The following EIF3CL variants were observed in gnomAD, a reference collection of about 807,000 sequenced individuals.
EIF3CL encodes the protein eukaryotic translation initiation factor 3 subunit C like.
For missense variants in EIF3CL, 5 were observed against 56.1 expected (o/e 0.09, Z 2.91); for synonymous variants, 2 against 19.6 (o/e 0.10, Z 2.37).
chr16:28,421,549 C>T, the EIF3CL span, among the ~76,000 whole-genome samples: 1 of 20,058 alleles, frequency 5.0e-5, no homozygotes, highest in African/African-American at 1.5e-4. Context: ...TGGCCAGGTG[C>T]GGTGGCTCAC....
chr16:28,418,908 G>A, the EIF3CL span, among the ~76,000 whole-genome samples: 1 of 146,104 alleles, frequency 6.8e-6, no homozygotes, highest in Non-Finnish European at 1.5e-5. Context: ...AGGATTACAG[G>A]CCTGAGCCAC....
the EIF3CL span, among the ~76,000 whole-genome samples, chr16:28,416,717 C>T: frequency 1.3e-4 from 16 of 119,078 alleles, no homozygotes; most frequent in South Asian, 4.7e-4. Context: ...AAGTGAGGAG[C>T]GTCTCCGCCC....
chr16:28,382,129 G>T (rs2045579805), intron 16 of EIF3CL, among the ~76,000 whole-genome samples: 1 of 45,830 alleles, frequency 2.2e-5, no homozygotes, highest in African/African-American at 5.3e-5. Context: ...AGAATCACTT[G>T]AACCCAGGAG....
upstream of EIF3CL, among the ~76,000 whole-genome samples, chr16:28,408,096 T>C (rs1596600390): frequency 5.2e-5 from 1 of 19,248 alleles, no homozygotes; most frequent in Admixed American, 1.1e-3. Context: ...CCCAGCTACT[T>C]GGGAGGCTGA....
chr16:28,392,774 ATTT>A (rs1179590483), intron 8 of EIF3CL, among the ~76,000 whole-genome samples: 2 of 146,014 alleles, frequency 1.4e-5, no homozygotes, highest in Non-Finnish European at 3.0e-5. Flanking sequence ...ATATAAAAAC[ATTT>A]TTTTCTTTTT....
chr16:28,417,355 G>A, the EIF3CL span, among the ~76,000 whole-genome samples: 1 of 141,964 alleles, frequency 7.0e-6, no homozygotes, highest in South Asian at 2.1e-4. Flanking sequence ...GATGACAATG[G>A]CGGCTTTGTG....
At chr16:28,410,910 G>A in the EIF3CL span, among the ~76,000 whole-genome samples, 5 of 121,696 alleles carry the variant, frequency 4.1e-5, no homozygotes, top group Admixed American at 3.7e-4. Flanking sequence ...CAGTTTTGCC[G>A]GTTCTTGAGC....
At chr16:28,416,718 G>T in the EIF3CL span, among the ~76,000 whole-genome samples, 2 of 112,242 alleles carry the variant, frequency 1.8e-5, 1 homozygote, top group Non-Finnish European at 3.9e-5. Flanking sequence ...AGTGAGGAGC[G>T]TCTCCGCCCG....
the EIF3CL span, among the ~76,000 whole-genome samples, chr16:28,416,116 G>A: frequency 5.7e-5 from 1 of 17,656 alleles, no homozygotes; most frequent in African/African-American, 2.7e-4. Flanking sequence ...CCGAGGTGCC[G>A]GGATTGCAGA....
the EIF3CL span, among the ~76,000 whole-genome samples, chr16:28,423,120 AG>A: frequency 1.9e-5 from 2 of 102,934 alleles, 1 homozygote; most frequent in African/African-American, 6.8e-5. Flanking sequence ...TGAGAGGCAG[AG>A]GTTGCAGTGA....
the EIF3CL span, among the ~76,000 whole-genome samples, chr16:28,416,815 G>A: frequency 1.3e-5 from 1 of 79,690 alleles, no homozygotes; most frequent in Non-Finnish European, 2.7e-5. Context: ...GGGCGCCTCT[G>A]CCCGGCCGCC....
At chr16:28,386,846 C>T (rs1303463985) in intron 15 of EIF3CL, among the ~76,000 whole-genome samples, 1 of 43,196 alleles carries the variant, frequency 2.3e-5, no homozygotes, top group Non-Finnish European at 4.2e-5. Flanking sequence ...AAGATACACA[C>T]ACACCCCCTA....
the EIF3CL span, among the ~76,000 whole-genome samples, chr16:28,416,855 C>T: frequency 2.2e-4 from 18 of 81,346 alleles, no homozygotes; most frequent in East Asian, 8.6e-4. Flanking sequence ...CCCCTCTGCC[C>T]GGCCAGCCGC....
the EIF3CL span, among the ~76,000 whole-genome samples, chr16:28,415,826 C>A: frequency 1.0e-5 from 1 of 97,416 alleles, no homozygotes; most frequent in East Asian, 3.1e-4. Context: ...TCCTCTCCCT[C>A]TCCCTCTCCC....
chr16:28,416,607 T>C, the EIF3CL span, among the ~76,000 whole-genome samples: 2 of 41,246 alleles, frequency 4.8e-5, no homozygotes, highest in African/African-American at 1.9e-4. Flanking sequence ...ACCCTCTGCC[T>C]GGCAACCACC....
chr16:28,417,578 C>T, the EIF3CL span, among the ~76,000 whole-genome samples: 8 of 105,652 alleles, frequency 7.6e-5, no homozygotes, highest in South Asian at 3.0e-4. Flanking sequence ...GGATTAAGGG[C>T]GGTGCAAGAT....
At chr16:28,415,289 C>A in the EIF3CL span, among the ~76,000 whole-genome samples, 1 of 82,272 alleles carries the variant, frequency 1.2e-5, no homozygotes, top group Non-Finnish European at 2.2e-5. Flanking sequence ...GCCCAGGGGC[C>A]CGGGGAGGGG....
chr16:28,403,225 GA>G (rs1219055927), intron 2 of EIF3CL, among the ~76,000 whole-genome samples: 17 of 74,012 alleles, frequency 2.3e-4, no homozygotes, highest in Middle Eastern at 9.8e-3. Flanking sequence ...GCGGTAAAAT[GA>G]GAGGAGACAG....
the EIF3CL span, among the ~76,000 whole-genome samples, chr16:28,421,942 G>GCTACTGT: frequency 3.5e-5 from 2 of 57,594 alleles, no homozygotes; most frequent in Admixed American, 2.3e-4. Flanking sequence ...AATGCTACTG[G>GCTACTGT]AACTGCAGTT....
Sources: allele counts gnomAD v4.1 joint callset (sites outside exome capture counted in the v4.1 genomes callset), GRCh38; gene constraint gnomAD v4.1.1; transcripts MANE v1.5; gene names NCBI Gene and HGNC (gene_info 2026-07-23, HGNC 2026-07-21).